TMEM132B: variants seen among roughly 807,000 people sequenced by gnomAD.
TMEM132B encodes the protein transmembrane protein 132B.
Under a neutral mutation model 90.8 loss-of-function variants are expected in TMEM132B, and 18 were observed. That is an observed-to-expected ratio of 0.20 (90% CI 0.14 to 0.29). TMEM132B has a LOEUF of 0.29. Among genes scored for constraint, TMEM132B ranks in the 10% least tolerant of loss-of-function variants. TMEM132B has a pLI of 1.00. For missense variants in TMEM132B, 1,096 were observed against 1,326.8 expected (o/e 0.83, Z 2.70); for synonymous variants, 504 against 523.3 (o/e 0.96, Z 0.50).
chr12:125,573,589 A>G (rs1884858755), intron 4 of TMEM132B, among the ~76,000 whole-genome samples: 1 of 152,240 alleles, frequency 6.6e-6, no homozygotes, highest in African/African-American at 2.4e-5. Context: ...AAATTTTAAT[A>G]GCTTAAAGCA....
rs780743374 is a variant in TMEM132B at position 125,653,811 on chromosome 12, G to A, written c.2353G>A (p.Val785Met). Reference sequence around the variant, plus strand: ...GACCAAGAGGAAGAGTGTTCTTGCCGTGGGTAAAGGAAATGTCAAGGTCAA... The same window carrying A: ...GACCAAGAGGAAGAGTGTTCTTGCCATGGGTAAAGGAAATGTCAAGGTCAA... ...QKTKRKSVLA[V>M]GKGNVKVKFE... The change falls in exon 9 of 9, where the codon GTG becomes ATG. Residue 785 changes from valine to methionine, a missense_variant. By Grantham distance (21) the Val-to-Met change is conservative. Coordinates refer to ENST00000682704, the MANE Select transcript of TMEM132B (RefSeq NM_001366854.1). The A allele has an allele frequency of 7.9e-5, 127 of 1,614,062 alleles. No individual in the cohort carries two copies. The highest frequency in any genetic ancestry group is 1.0e-4 in the Non-Finnish European group (118 of 1,180,042).
At chr12:125,641,751 C>T (rs1253867695) in intron 5 of TMEM132B, among the ~76,000 whole-genome samples, 1 of 152,174 alleles carries the variant, frequency 6.6e-6, no homozygotes, top group African/African-American at 2.4e-5. Context: ...GTTTCCAAAA[C>T]TGGTGTGTTC....
intron 1 of TMEM132B, among the ~76,000 whole-genome samples, chr12:125,199,664 T>G (rs1873009795): frequency 6.6e-6 from 1 of 152,182 alleles, no homozygotes; most frequent in Non-Finnish European, 1.5e-5. Flanking sequence ...CCCAGGACTG[T>G]TAAGTTGAAT....
intron 3 of TMEM132B, among the ~76,000 whole-genome samples, chr12:125,510,301 T>C (rs889213765): frequency 2.0e-5 from 3 of 152,068 alleles, no homozygotes; most frequent in Admixed American, 6.6e-5. Flanking sequence ...TCTGAGAAAA[T>C]GTTGGTAAGC....
chr12:125,192,994 G>C (rs1046437388), intron 1 of TMEM132B, among the ~76,000 whole-genome samples: 5 of 152,218 alleles, frequency 3.3e-5, no homozygotes, highest in Admixed American at 6.5e-5. Context: ...CAACAACGGC[G>C]TGCTGATGCC....
chr12:125,365,089 C>CTCTTTT, intron 2 of TMEM132B, among the ~76,000 whole-genome samples: 1 of 151,638 alleles, frequency 6.6e-6, no homozygotes, highest in African/African-American at 2.4e-5. Flanking sequence ...TATTTGGTTT[C>CTCTTTT]TCTTTTTCTT....
intron 1 of TMEM132B, among the ~76,000 whole-genome samples, chr12:125,296,762 C>T (rs1875682418): frequency 6.6e-6 from 1 of 152,194 alleles, no homozygotes; most frequent in African/African-American, 2.4e-5. Context: ...CATCCCACTC[C>T]TTTATCACTG....
intron 1 of TMEM132B, among the ~76,000 whole-genome samples, chr12:125,294,639 G>T (rs1875622621): frequency 6.6e-6 from 1 of 152,186 alleles, no homozygotes; most frequent in African/African-American, 2.4e-5. Flanking sequence ...AGGTTATTAT[G>T]ACCTCAATTC....
intron 3 of TMEM132B, among the ~76,000 whole-genome samples, chr12:125,417,516 C>T (rs1880050575): frequency 6.6e-6 from 1 of 152,188 alleles, no homozygotes; most frequent in Admixed American, 6.5e-5. Context: ...TAGCTTGATT[C>T]TCTACTTCGC....
At chr12:125,455,881 T>C (rs1009367484) in intron 3 of TMEM132B, among the ~76,000 whole-genome samples, 1 of 152,082 alleles carries the variant, frequency 6.6e-6, no homozygotes, top group Admixed American at 6.5e-5. Context: ...TACCTCAGGG[T>C]GATTCTGGAG....
chr12:125,412,390 G>A (rs1232980685), intron 2 of TMEM132B, among the ~76,000 whole-genome samples: 2 of 152,208 alleles, frequency 1.3e-5, no homozygotes, highest in Non-Finnish European at 2.9e-5. Flanking sequence ...ATTGTCCCCA[G>A]ACTTAACTAC....
At chr12:125,360,373 G>A (rs947887280) in intron 2 of TMEM132B, among the ~76,000 whole-genome samples, 1 of 152,190 alleles carries the variant, frequency 6.6e-6, no homozygotes, top group Non-Finnish European at 1.5e-5. Flanking sequence ...CTCTCCAAGA[G>A]ACTGCTCCTA....
At chr12:125,305,355 T>C (rs1875930584) in intron 1 of TMEM132B, among the ~76,000 whole-genome samples, 1 of 150,708 alleles carries the variant, frequency 6.6e-6, no homozygotes, top group Non-Finnish European at 1.5e-5. Context: ...AGCTCGTAAC[T>C]AAAGTTCTGA....
At chr12:125,317,829 T>C (rs1876325640) in intron 1 of TMEM132B, among the ~76,000 whole-genome samples, 1 of 152,204 alleles carries the variant, frequency 6.6e-6, no homozygotes, top group African/African-American at 2.4e-5. Flanking sequence ...AAGGGTGTTT[T>C]TTCCCCTTAA....
intron 2 of TMEM132B, among the ~76,000 whole-genome samples, chr12:125,412,227 GAGGGGACCTGTGTCT>G (rs1879868372): frequency 6.6e-6 from 1 of 152,180 alleles, no homozygotes; most frequent in African/African-American, 2.4e-5. Flanking sequence ...CCCTGAGGAC[GAGGGGACCTGTGTCT>G]TAGTTTTGGG....
In TMEM132B at chr12:125,561,652, G is replaced by C. The variant is rs538552060; in HGVS notation, c.1294-22199G>C. ...AAACAATCTCCTTATATCTCCATCTGAGCTCTTAAGTGACTGTGCGTTATC... is the reference window on the plus strand; with the variant it reads ...AAACAATCTCCTTATATCTCCATCTCAGCTCTTAAGTGACTGTGCGTTATC... On this transcript the variant is annotated intron_variant, in intron 4 of 8. Coordinates refer to ENST00000682704, the MANE Select transcript of TMEM132B (RefSeq NM_001366854.1). 7.6e-4 allele frequency among the ~76,000 whole-genome samples: 116 copies of C among 152,156 alleles called. 1 individual carries two copies. In the South Asian group the frequency reaches 8.9e-3, roughly 12 times the overall value.
chr12:125,254,182 A>G (rs1199500113), intron 1 of TMEM132B, among the ~76,000 whole-genome samples: 1 of 152,128 alleles, frequency 6.6e-6, no homozygotes, highest in African/African-American at 2.4e-5. Context: ...CCAGCTATTC[A>G]GAAAGCTGAG....
rs1876540681 is a variant in TMEM132B at position 125,325,668 on chromosome 12, C to CGTGT, written c.68-23784_68-23783insGTGT. Among the ~76,000 whole-genome samples the CGTGT allele has an allele frequency of 1.5e-3, 213 of 139,466 alleles. 3 individuals are homozygous for CGTGT. Among genetic ancestry groups the CGTGT allele is most frequent in the African/African-American group, 5.1e-3 (190 of 37,112 alleles). 91.5% of individuals were successfully genotyped at this position (139,466 alleles called of 152,430 possible). On this transcript the variant is annotated intron_variant, in intron 1 of 8. Transcript: ENST00000682704. Reference sequence around the variant, plus strand: ...CTTGCATTCTTTCCCTGCCTCCCACCCTGTGTGTGTGTGTGTGTGTGTGTG... The same window carrying CGTGT: ...CTTGCATTCTTTCCCTGCCTCCCACCGTGTCTGTGTGTGTGTGTGTGTGTGTGTG...
chr12:125,598,431 A>T (rs769577459), intron 5 of TMEM132B, among the ~76,000 whole-genome samples: 3 of 152,186 alleles, frequency 2.0e-5, no homozygotes, highest in Non-Finnish European at 4.4e-5. Context: ...CAAAGTCATG[A>T]TACTATCACT....
Sources: gnomAD v4.1 joint callset for allele counts (sites outside exome capture counted in the v4.1 genomes callset) on GRCh38, gnomAD v4.1.1 for gene constraint, MANE v1.5 for transcripts, NCBI Gene and HGNC (gene_info 2026-07-23, HGNC 2026-07-21) for gene names.